SRBD1: variants seen among roughly 807,000 people sequenced by gnomAD.
SRBD1 encodes S1 RNA-binding domain-containing protein 1.
A neutral mutation model predicts 115.3 loss-of-function variants in SRBD1; 88 were observed. The ratio of observed to expected loss-of-function variants is 0.76; its 90% CI spans 0.64 to 0.91. The LOEUF (loss-of-function observed/expected upper bound fraction) is 0.91, where lower values mean the gene tolerates loss of function less well. Ranked by LOEUF, SRBD1 falls within the 40% of genes least tolerant of loss-of-function variation. The pLI is 0.00. For missense variants in SRBD1, 1,385 were observed against 1,177.4 expected (o/e 1.18, Z -2.58); for synonymous variants, 509 against 407.7 (o/e 1.25, Z -2.99).
At chr2:45,530,216 A>C (rs900853412) in intron 14 of SRBD1, among the ~76,000 whole-genome samples, 4 of 152,002 alleles carry the variant, frequency 2.6e-5, no homozygotes, top group Non-Finnish European at 5.9e-5. Flanking sequence ...TTAACTGCTA[A>C]CCTGATGACT....
intron 15 of SRBD1, among the ~76,000 whole-genome samples, chr2:45,487,298 C>G (rs1670151105): frequency 6.6e-6 from 1 of 152,114 alleles, no homozygotes; most frequent in African/African-American, 2.4e-5. Context: ...ATGCACTGAC[C>G]TGATCTAACA....
Position 45,463,019 on chromosome 2 carries a change from G to GC in SRBD1, c.2049+13973_2049+13974insG, listed in dbSNP as rs1553336304. 6.2e-4 allele frequency among the ~76,000 whole-genome samples: 4 copies of GC among 6,428 alleles called. 1 individual carries two copies. Among genetic ancestry groups the GC allele is most frequent in the South Asian group, 4.4e-3 (1 of 226 alleles). The allele number at this position is 6,428 out of a possible 152,430, so 4.2% of individuals were successfully genotyped here. On this transcript the variant is annotated intron_variant, in intron 16 of 20. Coordinates refer to ENST00000263736, the MANE Select transcript of SRBD1 (RefSeq NM_018079.5). ...ATATTTAATTGTTGAGAATAACCCG[G>GC]GGGGGGGGGGGGAAATCTCTCTTGT...
intron 19 of SRBD1, among the ~76,000 whole-genome samples, chr2:45,403,018 C>A (rs1007484452): frequency 3.9e-5 from 6 of 152,102 alleles, no homozygotes; most frequent in African/African-American, 1.4e-4. Context: ...GTACACAACA[C>A]AACAAACTCA....
chr2:45,611,036 C>T (rs1674433749), intron 1 of SRBD1, among the ~76,000 whole-genome samples, 183 bp downstream of exon 1: 1 of 152,098 alleles, frequency 6.6e-6, no homozygotes, highest in South Asian at 2.1e-4. Context: ...GAGGGGTTTT[C>T]GGGTGGTCGG....
In SRBD1 at chr2:45,389,457, G is replaced by GATA; in HGVS notation, c.2840_2841insTAT (p.Ile948dup). 1 of 1,614,034 alleles carries GATA rather than the reference G, an allele frequency of 6.2e-7. No homozygotes were observed. The highest frequency in any genetic ancestry group is 8.5e-7 in the Non-Finnish European group (1 of 1,179,960). On this transcript the variant is annotated inframe_insertion, in exon 21 of 21. Transcript: ENST00000263736. ...GTTTTGCTTCTGTTACATTTCGTAT[G>GATA]GGAATCAGCCCAGATTTCCCCACTC...
intron 14 of SRBD1, among the ~76,000 whole-genome samples, chr2:45,518,961 G>C (rs938382650): frequency 7.4e-6 from 1 of 135,842 alleles, no homozygotes; most frequent in Non-Finnish European, 1.5e-5. Flanking sequence ...GAACGAATAA[G>C]GCTAAAAAAA....
At chr2:45,410,259 T>C (rs1283508471) in intron 19 of SRBD1, among the ~76,000 whole-genome samples, 1 of 152,108 alleles carries the variant, frequency 6.6e-6, no homozygotes, top group Admixed American at 6.5e-5. Flanking sequence ...ATGACAAAAA[T>C]GCAAGGTAAC....
At chr2:45,424,766 A>C (rs1219678418) in intron 16 of SRBD1, among the ~76,000 whole-genome samples, 5 of 152,218 alleles carry the variant, frequency 3.3e-5, no homozygotes, top group African/African-American at 1.2e-4. Flanking sequence ...TATGAAAAAC[A>C]ATGGTCTAAG....
chr2:45,578,072 C>A (rs1360052860), intron 7 of SRBD1, among the ~76,000 whole-genome samples: 3 of 152,094 alleles, frequency 2.0e-5, no homozygotes, highest in Non-Finnish European at 4.4e-5. Flanking sequence ...CAAAAACCTA[C>A]CCAGTAGGAA....
chr2:45,574,148 T>C (rs1673104867), intron 8 of SRBD1, among the ~76,000 whole-genome samples: 1 of 152,178 alleles, frequency 6.6e-6, no homozygotes. Context: ...ATAGATAAGC[T>C]GCTCTCCTCA....
intron 16 of SRBD1, among the ~76,000 whole-genome samples, chr2:45,459,570 A>G (rs547170321): frequency 4.6e-5 from 7 of 152,306 alleles, no homozygotes; most frequent in Non-Finnish European, 1.0e-4. Context: ...ACAGGAATAA[A>G]CAGGACCTTA....
chr2:45,574,687 T>C lies in SRBD1; in HGVS notation c.1109A>G (p.Gln370Arg), dbSNP rs112323592. The change falls in exon 8 of 21, where the codon CAG (glutamine) becomes CGG (arginine). Residue 370 changes from glutamine (Q) to arginine (R), a missense_variant. Gln to Arg is a conservative substitution (Grantham distance 43). Coordinates refer to ENST00000263736, the MANE Select transcript of SRBD1 (RefSeq NM_018079.5). ...AGCAATCATATCTGCTAAAATATGC[T>C]GCACTCCTATTTCAATATCCTGAAG... is the stretch of plus-strand genomic sequence containing the variant. ...STLQDIEIGV[Q>R]HILADMIAKD... is the part of the protein sequence containing the mutation. The C allele has an allele frequency of 6.2e-7, 1 of 1,613,790 alleles. No individual in the cohort carries two copies. Among genetic ancestry groups the C allele is most frequent in the Non-Finnish European group, 8.5e-7 (1 of 1,179,856 alleles).
chr2:45,493,767 C>T (rs891033097), intron 14 of SRBD1, among the ~76,000 whole-genome samples: 24 of 151,070 alleles, frequency 1.6e-4, no homozygotes, highest in African/African-American at 4.8e-4. Context: ...GCCAAGATCG[C>T]GCCACTGCAC....
chr2:45,593,704 C>G (rs750925185), intron 4 of SRBD1, among the ~76,000 whole-genome samples: 2 of 152,182 alleles, frequency 1.3e-5, no homozygotes, highest in Non-Finnish European at 1.5e-5. Context: ...CTAAATCACT[C>G]CCAAACCAGC....
rs369134408 is a variant in SRBD1 at position 45,551,137 on chromosome 2, T to C, written c.1663A>G (p.Ile555Val). ...GYKHGCKLAIISPTSQILHTD... is the reference protein window; with the variant it reads ...GYKHGCKLAIVSPTSQILHTD... ...CAAGACAACTTACTAGTAGGAGAAA[T>C]TATAGCTAATTTGCAACCATGTTTA... Residue 555 changes from isoleucine (I) to valine (V), a missense_variant, in exon 12 of 21, where the codon ATT (isoleucine) becomes GTT (valine). Transcript: ENST00000263736. 9.4e-6 allele frequency: 15 copies of C among 1,594,498 alleles called. No homozygotes were observed. The highest frequency in any genetic ancestry group is 1.2e-5 in the Non-Finnish European group (14 of 1,175,004).
chr2:45,597,320 T>C (rs1388252546), intron 4 of SRBD1, among the ~76,000 whole-genome samples: 1 of 151,552 alleles, frequency 6.6e-6, no homozygotes, highest in Non-Finnish European at 1.5e-5. Flanking sequence ...CTCAGGAGGC[T>C]GAGGCAGGAG....
intron 14 of SRBD1, among the ~76,000 whole-genome samples, chr2:45,545,283 T>TAAAAAAAAAAAAAAAAAA (rs56909656): frequency 2.3e-4 from 16 of 68,574 alleles, no homozygotes; most frequent in African/African-American, 6.8e-4. Context: ...CTGTCTCAAT[T>TAAAAAAAAAAAAAAAAAA]AAAAAAAAAA....
chr2:45,505,956 T>G (rs1235724621), intron 14 of SRBD1, among the ~76,000 whole-genome samples: 1 of 152,242 alleles, frequency 6.6e-6, no homozygotes, highest in Admixed American at 6.5e-5. Flanking sequence ...CTTTTAAAAG[T>G]TGTTTGTGAA....
intron 16 of SRBD1, among the ~76,000 whole-genome samples, chr2:45,459,843 A>G (rs1380646064): frequency 1.4e-4 from 22 of 152,184 alleles, no homozygotes; most frequent in Admixed American, 1.4e-3. Flanking sequence ...TCTTTCCACT[A>G]AACCACACTG....
Sources: allele counts gnomAD v4.1 joint callset (sites outside exome capture counted in the v4.1 genomes callset), GRCh38; gene constraint gnomAD v4.1.1; transcripts MANE v1.5; gene names NCBI Gene and HGNC (gene_info 2026-07-23, HGNC 2026-07-21).